Variants in LSAMP observed in about 807,000 individuals in gnomAD.
LSAMP encodes the protein limbic system-associated membrane protein.
LSAMP carries 7 observed loss-of-function variants against 38.6 expected under a neutral mutation model. The ratio of observed to expected loss-of-function variants is 0.18; its 90% CI spans 0.10 to 0.34. The LOEUF (loss-of-function observed/expected upper bound fraction) is 0.34, where lower values mean the gene tolerates loss of function less well. Ranked by LOEUF, LSAMP falls within the 10% of genes least tolerant of loss-of-function variation. The probability of loss-of-function intolerance (pLI) is 1.00; values close to 1 mark genes in which losing one functional copy is unlikely to be tolerated. For missense variants in LSAMP, 313 were observed against 420.0 expected, an observed-to-expected ratio of 0.75 and a Z score of 2.23; for synonymous variants, 154 against 166.8, an observed-to-expected ratio of 0.92 and a Z score of 0.59.
At chr3:115,977,425 C>T (rs1388911581) in intron 3 of LSAMP, among the ~76,000 whole-genome samples, 3 of 152,136 alleles carry the variant, frequency 2.0e-5, no homozygotes, top group Non-Finnish European at 2.9e-5. Flanking sequence ...AATCTAGGAT[C>T]TACCTTTCTA....
At chr3:116,420,819 G>C (rs1174316109) in intron 1 of LSAMP, among the ~76,000 whole-genome samples, 1 of 152,150 alleles carries the variant, frequency 6.6e-6, no homozygotes, top group Non-Finnish European at 1.5e-5. Flanking sequence ...AGAGGTCACA[G>C]TGAGTGGAGC....
At chr3:116,388,594 T>A (rs2048654658) in intron 1 of LSAMP, among the ~76,000 whole-genome samples, 1 of 152,176 alleles carries the variant, frequency 6.6e-6, no homozygotes, top group Admixed American at 6.5e-5. Flanking sequence ...ATCTCTTTAC[T>A]TCTTTTCCAA....
intron 1 of LSAMP, among the ~76,000 whole-genome samples, chr3:116,118,698 C>T (rs934861487): frequency 6.6e-6 from 1 of 152,076 alleles, no homozygotes; most frequent in African/African-American, 2.4e-5. Flanking sequence ...ATACACAACA[C>T]CCACACACAT....
At chr3:115,829,412 T>C (rs938529989) in intron 6 of LSAMP, among the ~76,000 whole-genome samples, 10 of 152,232 alleles carry the variant, frequency 6.6e-5, no homozygotes, top group Non-Finnish European at 1.2e-4. Flanking sequence ...AACTCAATAA[T>C]TTTCATGTGT....
chr3:115,953,404 T>TACACACACACACACACACACACAC (rs71616336), intron 3 of LSAMP, among the ~76,000 whole-genome samples: 194 of 143,700 alleles, frequency 1.4e-3, no homozygotes, highest in East Asian at 1.5e-3. Flanking sequence ...GTAGTGTGCG[T>TACACACACACACACACACACACAC]ACACACACAC....
intron 1 of LSAMP, among the ~76,000 whole-genome samples, chr3:116,407,822 C>T (rs1417901739): frequency 6.6e-6 from 1 of 152,070 alleles, no homozygotes; most frequent in Non-Finnish European, 1.5e-5. Context: ...TTATTCTTAA[C>T]TCCAGACCCA....
chr3:116,159,317 C>A (rs946961599), intron 1 of LSAMP, among the ~76,000 whole-genome samples: 1 of 152,100 alleles, frequency 6.6e-6, no homozygotes, highest in Non-Finnish European at 1.5e-5. Flanking sequence ...AGTAAACAGA[C>A]AACCTATAGA....
intron 3 of LSAMP, among the ~76,000 whole-genome samples, chr3:115,954,307 A>G (rs1219071241): frequency 1.3e-5 from 2 of 152,158 alleles, no homozygotes; most frequent in African/African-American, 4.8e-5. Context: ...TTGCTGAAGG[A>G]CAGGCCCTAC....
intron 1 of LSAMP, among the ~76,000 whole-genome samples, chr3:116,268,185 A>G (rs1039875413): frequency 2.7e-5 from 4 of 148,758 alleles, no homozygotes; most frequent in Admixed American, 2.0e-4. Context: ...TACTATTCCT[A>G]AACTATTAGG....
At chr3:116,019,459 A>G (rs1940576605) in intron 3 of LSAMP, 56 bp downstream of exon 3, 3 of 1,584,508 alleles carry the variant, frequency 1.9e-6, no homozygotes, top group Non-Finnish European at 2.6e-6. Flanking sequence ...GAATTCCAGG[A>G]GCATGAGCAT....
chr3:115,891,015 G>A (rs1057013304), intron 3 of LSAMP, among the ~76,000 whole-genome samples: 1 of 151,928 alleles, frequency 6.6e-6, no homozygotes, highest in South Asian at 2.1e-4. Context: ...TTGATAAGGA[G>A]TGTTTCCATT....
At chr3:116,267,399 G>T (rs1467002048) in intron 1 of LSAMP, among the ~76,000 whole-genome samples, 2 of 152,080 alleles carry the variant, frequency 1.3e-5, no homozygotes, top group African/African-American at 4.8e-5. Flanking sequence ...TTTCCCCAGT[G>T]CATTTGTACA....
chr3:116,369,093 A>G (rs1380814063), intron 1 of LSAMP, among the ~76,000 whole-genome samples: 3 of 152,172 alleles, frequency 2.0e-5, no homozygotes, highest in South Asian at 2.1e-4. Flanking sequence ...TATTATGTTT[A>G]TTGAAGGAAA....
chr3:116,131,896 C>G (rs1252129873), intron 1 of LSAMP, among the ~76,000 whole-genome samples: 2 of 150,512 alleles, frequency 1.3e-5, no homozygotes, highest in African/African-American at 4.9e-5. Flanking sequence ...GGTGCGATGT[C>G]AGCTTACTGC....
At chr3:116,411,480 C>A (rs2048976453) in intron 1 of LSAMP, among the ~76,000 whole-genome samples, 2 of 151,586 alleles carry the variant, frequency 1.3e-5, no homozygotes, top group South Asian at 4.2e-4. Flanking sequence ...TTTGTAGGGA[C>A]ATGGATGAAA....
chr3:116,025,990 G>A (rs554242883), intron 2 of LSAMP, among the ~76,000 whole-genome samples: 1 of 152,198 alleles, frequency 6.6e-6, no homozygotes, highest in South Asian at 2.1e-4. Context: ...TGTGATCATA[G>A]TTCACTGCAT....
At chr3:115,994,107 C>T (rs1939748935) in intron 3 of LSAMP, among the ~76,000 whole-genome samples, 1 of 152,086 alleles carries the variant, frequency 6.6e-6, no homozygotes, top group Non-Finnish European at 1.5e-5. Flanking sequence ...GACAACCTGG[C>T]ATTGCAGCAC....
At chr3:115,822,751 T>C (rs1195383253) in intron 6 of LSAMP, among the ~76,000 whole-genome samples, 8 of 152,180 alleles carry the variant, frequency 5.3e-5, no homozygotes, top group Non-Finnish European at 8.8e-5. Flanking sequence ...TCTTAGCATG[T>C]CATCAATATT....
intron 1 of LSAMP, among the ~76,000 whole-genome samples, chr3:116,289,794 T>G (rs1449740543): frequency 6.6e-6 from 1 of 152,212 alleles, no homozygotes; most frequent in African/African-American, 2.4e-5. Context: ...TATTAAAAAT[T>G]AACTCGATAT....
Sources: gnomAD v4.1 joint callset for allele counts (sites outside exome capture counted in the v4.1 genomes callset) on GRCh38, gnomAD v4.1.1 for gene constraint, MANE v1.5 for transcripts, NCBI Gene and HGNC (gene_info 2026-07-23, HGNC 2026-07-21) for gene names.